The following FOXN3 variants were observed in gnomAD, a reference collection of about 807,000 sequenced individuals.
The protein encoded by FOXN3 is forkhead box protein N3.
FOXN3 carries 7 observed loss-of-function variants against 38.4 expected under a neutral mutation model. The observed-to-expected ratio is 0.18, with a 90% CI of 0.10 to 0.34. The LOEUF is 0.34. Among genes scored for constraint, FOXN3 ranks in the 10% least tolerant of loss-of-function variants. FOXN3 has a pLI of 1.00. For missense variants in FOXN3, 456 were observed against 613.4 expected, an observed-to-expected ratio of 0.74 and a Z score of 2.71; for synonymous variants, 230 against 242.2, an observed-to-expected ratio of 0.95 and a Z score of 0.47.
chr14:89,491,680 C>G (rs995751947), intron 1 of FOXN3, among the ~76,000 whole-genome samples: 20 of 152,208 alleles, frequency 1.3e-4, no homozygotes, highest in Non-Finnish European at 2.9e-5. Context: ...TGAGCTCTGC[C>G]TCGGGAGGTT....
Position 89,349,281 on chromosome 14 carries a change from G to A in FOXN3, c.680+1391C>T, listed in dbSNP as rs555381728. Among the ~76,000 whole-genome samples the A allele has an allele frequency of 5.0e-4, 76 of 152,230 alleles. 1 individual carries two copies. The highest frequency in any genetic ancestry group is 3.4e-3 in the Middle Eastern group (1 of 294). On this transcript the variant is annotated intron_variant, in intron 3 of 5. Coordinates refer to ENST00000557258, the MANE Select transcript of FOXN3 (RefSeq NM_005197.4). ...CTGGACATGTCTACTATGTTGGCTG[G>A]GCTGCTTTGGAAAATCCCACTTTCT...
intron 1 of FOXN3, among the ~76,000 whole-genome samples, chr14:89,435,612 C>T (rs896329310): frequency 1.8e-4 from 27 of 152,290 alleles, no homozygotes; most frequent in Admixed American, 1.4e-3. Flanking sequence ...GGTGCCACTA[C>T]TAGAATCTCA....
chr14:89,261,930 AAAAAC>A (rs559811426), intron 4 of FOXN3, among the ~76,000 whole-genome samples: 2 of 152,102 alleles, frequency 1.3e-5, no homozygotes, highest in Admixed American at 6.5e-5. Flanking sequence ...CTCCGTCTCA[AAAAAC>A]AAAACAAAAC....
intron 4 of FOXN3, among the ~76,000 whole-genome samples, chr14:89,242,177 G>A (rs1280601696): frequency 6.6e-6 from 1 of 152,168 alleles, no homozygotes; most frequent in East Asian, 1.9e-4. Context: ...GAAAGTGACA[G>A]AGAGAAGGTA....
chr14:89,284,705 C>A (rs918232477), intron 3 of FOXN3, among the ~76,000 whole-genome samples: 1 of 152,178 alleles, frequency 6.6e-6, no homozygotes, highest in Admixed American at 6.5e-5. Context: ...ATCCCATGAC[C>A]TTCAGCAGTA....
chr14:89,570,259 A>G (rs1895464011), intron 1 of FOXN3, among the ~76,000 whole-genome samples: 1 of 152,136 alleles, frequency 6.6e-6, no homozygotes, highest in Non-Finnish European at 1.5e-5. Flanking sequence ...TCAGCCTCCC[A>G]AAGCGCTGGG....
chr14:89,506,457 G>A (rs541929430), intron 1 of FOXN3, among the ~76,000 whole-genome samples: 48 of 145,778 alleles, frequency 3.3e-4, no homozygotes, highest in African/African-American at 1.2e-3. Context: ...GAGGTTGGGG[G>A]GGTCAGCCCC....
At chr14:89,413,965 TGGAGGA>T (rs148455780) in intron 1 of FOXN3, among the ~76,000 whole-genome samples, 19 of 102,056 alleles carry the variant, frequency 1.9e-4, no homozygotes, top group East Asian at 1.2e-3. Flanking sequence ...GGAGGAGGGA[TGGAGGA>T]GGAGGAGGAG....
chr14:89,178,189 TA>T lies in FOXN3; in HGVS notation c.851+2511del, dbSNP rs1481335279. ...GCCCAGGTCATTTTTTTTTTTTTTT[TA>T]AATAGAGATAAGTTTTCGCCATGTT... On this transcript the variant is annotated intron_variant, in intron 5 of 5. Coordinates refer to ENST00000557258, the MANE Select transcript of FOXN3 (RefSeq NM_005197.4). Among the ~76,000 whole-genome samples, 72 of 151,362 alleles carry T rather than the reference TA, an allele frequency of 4.8e-4. 1 individual carries two copies. Among genetic ancestry groups the T allele is most frequent in the African/African-American group, 1.7e-3 (72 of 41,266 alleles).
intron 1 of FOXN3, among the ~76,000 whole-genome samples, chr14:89,505,964 G>T (rs1439000174): frequency 6.9e-6 from 1 of 145,082 alleles, no homozygotes; most frequent in African/African-American, 2.6e-5. Context: ...CCTGGCAACC[G>T]CCCCGTCTGA....
chr14:89,553,817 G>A (rs1319809103), intron 1 of FOXN3, among the ~76,000 whole-genome samples: 1 of 152,144 alleles, frequency 6.6e-6, no homozygotes, highest in Non-Finnish European at 1.5e-5. Context: ...TCAGAACGGT[G>A]AAAATAAAAT....
chr14:89,245,280 T>C (rs1280302684), intron 4 of FOXN3, among the ~76,000 whole-genome samples: 2 of 152,212 alleles, frequency 1.3e-5, no homozygotes, highest in Non-Finnish European at 2.9e-5. Flanking sequence ...CCTCTTTCCA[T>C]CTTCCTGACG....
At chr14:89,578,373 T>C (rs539460946) in intron 1 of FOXN3, among the ~76,000 whole-genome samples, 4 of 152,264 alleles carry the variant, frequency 2.6e-5, no homozygotes, top group African/African-American at 9.6e-5. Flanking sequence ...GGCACTTCTG[T>C]CTCTTCTACC....
chr14:89,327,827 G>A (rs1387421450), intron 3 of FOXN3, among the ~76,000 whole-genome samples: 1 of 152,168 alleles, frequency 6.6e-6, no homozygotes, highest in Non-Finnish European at 1.5e-5. Context: ...ATAAGCAGAG[G>A]CTACCAGAAT....
chr14:89,182,084 G>C (rs924532961), intron 4 of FOXN3, among the ~76,000 whole-genome samples: 4 of 152,196 alleles, frequency 2.6e-5, no homozygotes, highest in African/African-American at 9.7e-5. Flanking sequence ...CGTTGAAAAG[G>C]CTCTAGAAAA....
intron 3 of FOXN3, among the ~76,000 whole-genome samples, chr14:89,342,955 C>G (rs1450068652): frequency 2.0e-5 from 3 of 152,176 alleles, no homozygotes. Context: ...AATGAAGCAA[C>G]TAATCGAAAT....
rs61984663 is a variant in FOXN3, at chr14:89,357,295, C to A, written c.544-6487G>T. Among the ~76,000 whole-genome samples the A allele has an allele frequency of 1.3e-3, 192 of 152,016 alleles. No individual in the cohort carries two copies. In the East Asian group the frequency reaches 0.019, roughly 15 times the overall value. ...CCCCAACCTGGGCAACAGAGCAAGA[C>A]CCTGTCTCTTTCTTAAAAAAAGGAG... On this transcript the variant is annotated intron_variant, in intron 2 of 5. Coordinates refer to ENST00000557258, the MANE Select transcript of FOXN3 (RefSeq NM_005197.4).
At chr14:89,295,090 C>T (rs891849173) in intron 3 of FOXN3, among the ~76,000 whole-genome samples, 3 of 152,122 alleles carry the variant, frequency 2.0e-5, no homozygotes, top group Admixed American at 6.5e-5. Context: ...TTCAATATGC[C>T]GCCTGGCACA....
At chr14:89,473,196 T>C (rs1351372565) in intron 1 of FOXN3, among the ~76,000 whole-genome samples, 1 of 151,462 alleles carries the variant, frequency 6.6e-6, no homozygotes, top group East Asian at 2.0e-4. Flanking sequence ...GGCTAATTTT[T>C]TGTATTTTTA....
Sources: gnomAD v4.1 joint callset for allele counts (sites outside exome capture counted in the v4.1 genomes callset) on GRCh38, gnomAD v4.1.1 for gene constraint, MANE v1.5 for transcripts, NCBI Gene and HGNC (gene_info 2026-07-23, HGNC 2026-07-21) for gene names.